The following PHACTR1 variants were observed in gnomAD, a reference collection of about 807,000 sequenced individuals.
PHACTR1 encodes the protein phosphatase and actin regulator 1.
Under a neutral mutation model 69.2 loss-of-function variants are expected in PHACTR1, and 16 were observed. The ratio of observed to expected loss-of-function variants is 0.23; its 90% confidence interval spans 0.16 to 0.35. The LOEUF is 0.35. Ranked by LOEUF, PHACTR1 falls within the 10% of genes least tolerant of loss-of-function variation. The pLI is 1.00. For synonymous variants in PHACTR1, 312 were observed against 284.5 expected (o/e 1.10, Z -0.97); for missense variants, 510 against 734.7 (o/e 0.69, Z 3.54).
At chr6:13,076,848 G>A (rs967380617) in intron 5 of PHACTR1, among the ~76,000 whole-genome samples, 4 of 151,006 alleles carry the variant, frequency 2.6e-5, no homozygotes, top group Admixed American at 6.6e-5. Context: ...AGTGCCAAAA[G>A]AGCAGATTAG....
intron 4 of PHACTR1, among the ~76,000 whole-genome samples, chr6:13,027,102 G>A (rs1406041313): frequency 2.0e-5 from 3 of 151,962 alleles, no homozygotes; most frequent in East Asian, 3.9e-4. Flanking sequence ...GGGATATAAG[G>A]GATTAGAGAG....
At chr6:12,840,904 C>T (rs974967375) in intron 4 of PHACTR1, among the ~76,000 whole-genome samples, 1 of 152,196 alleles carries the variant, frequency 6.6e-6, no homozygotes, top group African/African-American at 2.4e-5. Flanking sequence ...GGACATACTG[C>T]TACAGACTCA....
intron 4 of PHACTR1, among the ~76,000 whole-genome samples, chr6:12,908,514 A>G (rs547816131): frequency 1.6e-3 from 248 of 152,296 alleles, no homozygotes; most frequent in Non-Finnish European, 2.6e-3. Flanking sequence ...ATTTAAAAAA[A>G]AAAAAGGGTG....
chr6:13,097,863 C>T (rs113498737), intron 5 of PHACTR1, among the ~76,000 whole-genome samples: 119 of 152,272 alleles, frequency 7.8e-4, no homozygotes, highest in Admixed American at 1.6e-3. Flanking sequence ...TAGAAAACAG[C>T]AGCCCTCAGA....
chr6:13,211,171 T>C (rs1028128511), intron 8 of PHACTR1, among the ~76,000 whole-genome samples: 1 of 152,128 alleles, frequency 6.6e-6, no homozygotes, highest in Non-Finnish European at 1.5e-5. Context: ...TTTGGTTACA[T>C]GGATAAGTTC....
intron 4 of PHACTR1, among the ~76,000 whole-genome samples, chr6:13,016,618 C>T (rs1377743876): frequency 6.0e-5 from 9 of 149,998 alleles, no homozygotes; most frequent in Admixed American, 6.0e-4. Context: ...TAGCAATTAT[C>T]TTTTTACTCA....
chr6:13,259,778 TC>T (rs1405381657), intron 10 of PHACTR1, among the ~76,000 whole-genome samples: 2 of 152,144 alleles, frequency 1.3e-5, no homozygotes, highest in Non-Finnish European at 2.9e-5. Flanking sequence ...CAGTTCATCT[TC>T]CCCCCTCTGT....
At chr6:12,879,287 G>C (rs188420857) in intron 4 of PHACTR1, among the ~76,000 whole-genome samples, 189 of 152,330 alleles carry the variant, frequency 1.2e-3, no homozygotes, top group African/African-American at 4.4e-3. Context: ...ACATGGGTCT[G>C]TCTTGCCCAG....
intron 7 of PHACTR1, among the ~76,000 whole-genome samples, chr6:13,185,340 A>G (rs892052845): frequency 1.3e-5 from 2 of 152,360 alleles, no homozygotes; most frequent in East Asian, 1.9e-4. Context: ...TTGCAAAGAT[A>G]AAGAATAGTG....
intron 4 of PHACTR1, among the ~76,000 whole-genome samples, chr6:12,958,851 T>A (rs572150769): frequency 1.1e-4 from 17 of 152,286 alleles, no homozygotes; most frequent in African/African-American, 3.9e-4. Context: ...TTGGGCAAAT[T>A]ATATGAGTTG....
At chr6:13,134,992 C>A (rs1821322180) in intron 5 of PHACTR1, among the ~76,000 whole-genome samples, 1 of 152,096 alleles carries the variant, frequency 6.6e-6, no homozygotes, top group Non-Finnish European at 1.5e-5. Flanking sequence ...TCCTGCATGT[C>A]AGGAAAATGA....
At chr6:12,978,242 G>A (rs1795120792) in intron 4 of PHACTR1, among the ~76,000 whole-genome samples, 1 of 152,104 alleles carries the variant, frequency 6.6e-6, no homozygotes, top group African/African-American at 2.4e-5. Flanking sequence ...ATCTCATCAT[G>A]TCACCCCCTT....
At chr6:12,979,188 T>G (rs2127591440) in intron 4 of PHACTR1, among the ~76,000 whole-genome samples, 1 of 152,316 alleles carries the variant, frequency 6.6e-6, no homozygotes, top group East Asian at 1.9e-4. Flanking sequence ...TTAACCTTTC[T>G]TCAGGTGGAG....
chr6:13,036,452 G>T (rs1232412188), intron 4 of PHACTR1, among the ~76,000 whole-genome samples: 3 of 152,076 alleles, frequency 2.0e-5, no homozygotes, highest in African/African-American at 7.2e-5. Flanking sequence ...GAACATAGGG[G>T]TCATTATCTT....
intron 4 of PHACTR1, among the ~76,000 whole-genome samples, chr6:12,917,779 C>A (rs562766638): frequency 1.1e-3 from 164 of 152,052 alleles, no homozygotes; most frequent in African/African-American, 3.8e-3. Context: ...AACAAATGAA[C>A]AAACAAAGGA....
At chr6:13,157,275 A>G (rs1254569553) in intron 5 of PHACTR1, among the ~76,000 whole-genome samples, 1 of 152,178 alleles carries the variant, frequency 6.6e-6, no homozygotes, top group Non-Finnish European at 1.5e-5. Context: ...GCCTTTTCCA[A>G]CACCCCAATC....
chr6:13,227,722 A>T (rs1043989619), intron 8 of PHACTR1, 94 bp from the exon 9 acceptor site: 1 of 1,475,366 alleles, frequency 6.8e-7, no homozygotes, highest in African/African-American at 1.4e-5. Flanking sequence ...TTTGTCTCTT[A>T]GGACTGGGCA....
chr6:13,081,826 C>A lies in PHACTR1; in HGVS notation c.415+28297C>A, dbSNP rs573705227. On this transcript the variant is annotated intron_variant, in intron 5 of 14. Coordinates refer to ENST00000332995, the MANE Select transcript of PHACTR1 (RefSeq NM_030948.6). ...TAGGCGATGGAGTAAGACCCTGTCT[C>A]TAAAACAATAAAAACAAGAAGTCAA... Among the ~76,000 whole-genome samples, 49 of 152,234 alleles carry A rather than the reference C, an allele frequency of 3.2e-4. 1 individual carries two copies. In the South Asian group the frequency reaches 9.5e-3, roughly 30 times the overall value.
chr6:12,732,478 C>A (rs1215990567), intron 3 of PHACTR1, among the ~76,000 whole-genome samples: 1 of 152,162 alleles, frequency 6.6e-6, no homozygotes, highest in Non-Finnish European at 1.5e-5. Context: ...CCTTCCCTCA[C>A]CCCTCACCCC....
Sources: gnomAD v4.1 joint callset for allele counts (sites outside exome capture counted in the v4.1 genomes callset) on GRCh38, gnomAD v4.1.1 for gene constraint, MANE v1.5 for transcripts, NCBI Gene and HGNC (gene_info 2026-07-23, HGNC 2026-07-21) for gene names.